RASGEF1A: variants seen among roughly 807,000 people sequenced by gnomAD.
RASGEF1A encodes ras-GEF domain-containing family member 1A.
In RASGEF1A, 18 loss-of-function variants were observed where a neutral mutation model predicts 56.4. The ratio of observed to expected loss-of-function variants is 0.32; its 90% CI spans 0.22 to 0.47. The LOEUF is 0.47. Among genes scored for constraint, RASGEF1A ranks in the 20% least tolerant of loss-of-function variants. RASGEF1A has a pLI of 1.00. For missense variants in RASGEF1A, 422 were observed against 627.1 expected (o/e 0.67, Z 3.49); for synonymous variants, 245 against 242.6 (o/e 1.01, Z -0.09).
chr10:43,203,245 C>T, intron 3 of RASGEF1A, 53 bp downstream of exon 3: 2 of 1,508,168 alleles, frequency 1.3e-6, no homozygotes, highest in Non-Finnish European at 1.8e-6. Flanking sequence ...CTAGCCTTGA[C>T]CTCGCCTCCT....
intron 1 of RASGEF1A, among the ~76,000 whole-genome samples, chr10:43,225,274 T>G (rs2133205359): frequency 2.4e-5 from 3 of 125,892 alleles, no homozygotes; most frequent in Admixed American, 8.5e-5. Context: ...GGGGTCTCTG[T>G]GTCTGTGTGT....
At chr10:43,241,054 C>G (rs934777854) in intron 1 of RASGEF1A, among the ~76,000 whole-genome samples, 1 of 152,030 alleles carries the variant, frequency 6.6e-6, no homozygotes, top group Non-Finnish European at 1.5e-5. Context: ...GAAGACCTGC[C>G]TTATAAGAAC....
rs765232702 is a variant in RASGEF1A at position 43,198,885 on chromosome 10, G to A, written c.1032+48C>T. The A allele has an allele frequency of 3.9e-6, 6 of 1,555,700 alleles. No homozygotes were observed. In the African/African-American group the frequency reaches 6.8e-5, roughly 18 times the overall value. Reference sequence around the variant, plus strand: ...TCAGGGCCCCCTTCGGGCCATTGCGGGACGAAATGGGTGCAGCTCGCAGCT... The same window carrying A: ...TCAGGGCCCCCTTCGGGCCATTGCGAGACGAAATGGGTGCAGCTCGCAGCT... On this transcript the variant is annotated intron_variant, in intron 9 of 12. Coordinates refer to ENST00000395810, the MANE Select transcript of RASGEF1A (RefSeq NM_145313.4).
At chr10:43,203,739 GT>G (rs1328547458) in intron 2 of RASGEF1A, 2 of 1,104,260 alleles carry the variant, frequency 1.8e-6, no homozygotes, top group Non-Finnish European at 2.2e-6. Flanking sequence ...TGGGACGTTG[GT>G]AGGGCTCCAT....
At chr10:43,258,131 C>T (rs987742702) in intron 1 of RASGEF1A, among the ~76,000 whole-genome samples, 3 of 152,238 alleles carry the variant, frequency 2.0e-5, no homozygotes, top group Non-Finnish European at 4.4e-5. Context: ...GGGAGGGGTA[C>T]CCTCATGGAG....
At chr10:43,202,033 G>T in intron 3 of RASGEF1A, 88 bp from the exon 4 acceptor site, 1 of 1,400,100 alleles carries the variant, frequency 7.1e-7, no homozygotes, top group Non-Finnish European at 9.6e-7. Context: ...ACATCCCCAA[G>T]CCACACCCCA....
At chr10:43,228,797 C>G (rs1840317302) in intron 1 of RASGEF1A, among the ~76,000 whole-genome samples, 1 of 152,212 alleles carries the variant, frequency 6.6e-6, no homozygotes, top group Non-Finnish European at 1.5e-5. Flanking sequence ...GGACAACACT[C>G]TCCGTGCTGT....
chr10:43,221,302 C>T (rs1342942759), intron 1 of RASGEF1A, among the ~76,000 whole-genome samples: 3 of 152,180 alleles, frequency 2.0e-5, no homozygotes, highest in Non-Finnish European at 4.4e-5. Context: ...AATTTGTAAG[C>T]ATTTAATTGG....
intron 1 of RASGEF1A, among the ~76,000 whole-genome samples, chr10:43,243,205 G>A (rs1471959701): frequency 2.8e-5 from 4 of 144,206 alleles, no homozygotes; most frequent in Non-Finnish European, 4.5e-5. Flanking sequence ...GAAGTGAGGA[G>A]TGCTTCTGCC....
chr10:43,249,172 G>A (rs1840598982), intron 1 of RASGEF1A, among the ~76,000 whole-genome samples: 1 of 152,154 alleles, frequency 6.6e-6, no homozygotes, highest in South Asian at 2.1e-4. Flanking sequence ...GGAGCAGGAC[G>A]CCATGGCTGA....
chr10:43,244,591 T>C (rs999583204), intron 1 of RASGEF1A, among the ~76,000 whole-genome samples: 2 of 150,910 alleles, frequency 1.3e-5, no homozygotes, highest in African/African-American at 4.9e-5. Context: ...ACTGAAATTA[T>C]ACAAAGTATG....
intron 5 of RASGEF1A, 55 bp from the exon 6 acceptor site, chr10:43,200,311 G>T: frequency 6.9e-7 from 1 of 1,453,232 alleles, no homozygotes; most frequent in Non-Finnish European, 9.5e-7. Flanking sequence ...AGAAGGGACA[G>T]CACTGCATAG....
chr10:43,220,649 G>T (rs1840195300), intron 1 of RASGEF1A, among the ~76,000 whole-genome samples: 1 of 152,116 alleles, frequency 6.6e-6, no homozygotes, highest in South Asian at 2.1e-4. Flanking sequence ...GCCAGGCACG[G>T]TGGTGCACAC....
intron 1 of RASGEF1A, among the ~76,000 whole-genome samples, chr10:43,257,028 G>C (rs1348203123): frequency 2.0e-5 from 3 of 152,102 alleles, no homozygotes; most frequent in African/African-American, 7.2e-5. Flanking sequence ...CCAGAGTCTG[G>C]GCCATGCCTG....
intron 1 of RASGEF1A, chr10:43,207,704 C>A: frequency 1.4e-5 from 14 of 985,408 alleles, no homozygotes; most frequent in South Asian, 4.7e-5. Context: ...AGCAGCGGTG[C>A]CTCACACAAG....
rs570343334 is a variant in RASGEF1A, at chr10:43,247,653, G to A, written c.-7+19192C>T. Reference sequence around the variant, plus strand: ...AAGGAAATCTGACAAAAAAGGCCATGTTGCATGATTCCACTTATTCAAATA... The same window carrying A: ...AAGGAAATCTGACAAAAAAGGCCATATTGCATGATTCCACTTATTCAAATA... On this transcript the variant is annotated intron_variant, in intron 1 of 12. Transcript: ENST00000395810. 7.2e-5 allele frequency among the ~76,000 whole-genome samples: 11 copies of A among 152,320 alleles called. No individual in the cohort carries two copies. The East Asian group carries it at 1.9e-3, about 27-fold the overall frequency.
intron 1 of RASGEF1A, 36 bp downstream of exon 1, chr10:43,266,809 G>A (rs1451361527): frequency 6.9e-6 from 1 of 145,942 alleles, no homozygotes; most frequent in Non-Finnish European, 1.5e-5. Context: ...GCGGGCGGGG[G>A]CCCCGAGGCA....
intron 1 of RASGEF1A, among the ~76,000 whole-genome samples, chr10:43,225,899 C>T (rs72783237): frequency 0.17 from 25,146 of 152,032 alleles, 2,349 homozygotes; most frequent in Admixed American, 0.24. Flanking sequence ...GAGAGGAGGG[C>T]GGCGCTCTGA....
chr10:43,209,157 G>A, intron 1 of RASGEF1A: 1 of 985,498 alleles, frequency 1.0e-6, no homozygotes, highest in African/African-American at 1.7e-5. Context: ...TGGGCTCTTG[G>A]CTCCAGTCAC....
Sources: allele counts gnomAD v4.1 joint callset (sites outside exome capture counted in the v4.1 genomes callset), GRCh38; gene constraint gnomAD v4.1.1; transcripts MANE v1.5; gene names NCBI Gene and HGNC (gene_info 2026-07-23, HGNC 2026-07-21).